The following CHL1 variants were observed in gnomAD, a reference collection of about 807,000 sequenced individuals.
The protein encoded by CHL1 is neural cell adhesion molecule L1-like protein.
CHL1 carries 96 observed loss-of-function variants against 141.9 expected under a neutral mutation model. That is an observed-to-expected ratio of 0.68 (90% CI 0.57 to 0.80). The LOEUF is 0.80. Ranked by LOEUF, CHL1 falls within the 30% of genes least tolerant of loss-of-function variation. CHL1 has a pLI of 0.00. For missense variants in CHL1, 1,820 were observed against 1,457.2 expected, an observed-to-expected ratio of 1.25 and a Z score of -4.05; for synonymous variants, 613 against 502.2, an observed-to-expected ratio of 1.22 and a Z score of -2.95.
At chr3:360,773 G>A (rs1195772530) in intron 12 of CHL1, among the ~76,000 whole-genome samples, 1 of 128,398 alleles carries the variant, frequency 7.8e-6, no homozygotes, top group African/African-American at 3.2e-5. Context: ...CCCAGAGTGT[G>A]ATGTTCCCCT....
rs184611656 is a variant in CHL1, at chr3:280,066, A to C, written c.-95+35374A>C. The stretch of plus-strand genomic sequence containing the variant: ...TCTATTATCTGAAAAGAAAATAAAA[A>C]GAAATAAATATAGGTGTGTAAAGAT... On this transcript the variant is annotated intron_variant, in intron 2 of 27. Coordinates refer to ENST00000256509, the MANE Select transcript of CHL1 (RefSeq NM_006614.4). Among the ~76,000 whole-genome samples, 438 of 152,360 alleles carry C rather than the reference A, an allele frequency of 2.9e-3. 1 individual carries two copies. Among genetic ancestry groups the C allele is most frequent in the Admixed American group, 5.2e-3 (79 of 15,308 alleles).
At chr3:241,580 TCTG>T (rs1692566179) in intron 1 of CHL1, among the ~76,000 whole-genome samples, 1 of 110,012 alleles carries the variant, frequency 9.1e-6, no homozygotes, top group East Asian at 2.6e-4. Context: ...TATACTTCTC[TCTG>T]GTTTTTTTTT....
intron 2 of CHL1, among the ~76,000 whole-genome samples, chr3:296,585 A>G (rs1017116309): frequency 1.3e-5 from 2 of 152,168 alleles, no homozygotes; most frequent in Non-Finnish European, 2.9e-5. Flanking sequence ...TCAAGGAATC[A>G]CTGTGACTAT....
Position 405,781 on chromosome 3 carries a change from A to G in CHL1, c.*70A>G. On this transcript the variant is annotated 3_prime_UTR_variant, in exon 28 of 28. Coordinates refer to ENST00000256509, the MANE Select transcript of CHL1 (RefSeq NM_006614.4). ...ATATTTATCTGTTCAAAGGAGCAAG[A>G]ACTTTCATATAGGAATAGAAACATG... is the stretch of plus-strand genomic sequence containing the variant. 8.9e-7 allele frequency: 1 copy of G among 1,119,798 alleles called. No individual in the cohort carries two copies. The allele number at this position is 1,119,798 out of a possible 1,614,324, so 69.4% of individuals were successfully genotyped here. A position where few individuals can be genotyped will look rare whatever the true frequency, so the allele number is the denominator to read the frequency against.
chr3:341,332 A>G (rs888965031), intron 6 of CHL1, among the ~76,000 whole-genome samples: 3 of 152,182 alleles, frequency 2.0e-5, no homozygotes, highest in Non-Finnish European at 4.4e-5. Flanking sequence ...TGATCTCTAC[A>G]TGTTTTCTCA....
At chr3:277,957 G>C (rs892799896) in intron 2 of CHL1, among the ~76,000 whole-genome samples, 1 of 152,182 alleles carries the variant, frequency 6.6e-6, no homozygotes, top group Non-Finnish European at 1.5e-5. Flanking sequence ...ATAAAATGTA[G>C]TTTGCATTTA....
chr3:332,338 T>C (rs147076825), intron 5 of CHL1, among the ~76,000 whole-genome samples: 1 of 152,284 alleles, frequency 6.6e-6, no homozygotes, highest in East Asian at 1.9e-4. Flanking sequence ...ATTGTTAAAT[T>C]ATAATGAAAA....
chr3:313,909 G>C (rs1000734157), intron 2 of CHL1, among the ~76,000 whole-genome samples: 7 of 152,040 alleles, frequency 4.6e-5, no homozygotes, highest in African/African-American at 7.2e-5. Context: ...CTTTAGGTGG[G>C]CTATAACTTT....
chr3:390,320 CT>C (rs1708118960), intron 20 of CHL1, among the ~76,000 whole-genome samples: 2 of 152,200 alleles, frequency 1.3e-5, no homozygotes, highest in African/African-American at 4.8e-5. Context: ...AGAACAGTGC[CT>C]GACACATAGC....
intron 12 of CHL1, among the ~76,000 whole-genome samples, chr3:360,900 G>A (rs1704182521): frequency 6.6e-6 from 1 of 150,856 alleles, no homozygotes; most frequent in Non-Finnish European, 1.5e-5. Flanking sequence ...TTTCATCCAT[G>A]TCCCTACAAA....
chr3:394,585 AT>A (rs1708512694), intron 23 of CHL1, 107 bp from the exon 24 acceptor site: 1 of 759,506 alleles, frequency 1.3e-6, no homozygotes, highest in Admixed American at 2.7e-5. Context: ...GTTATGAATC[AT>A]TAATGTATCT....
At chr3:219,758 G>A (rs1413278661) in intron 1 of CHL1, among the ~76,000 whole-genome samples, 1 of 152,190 alleles carries the variant, frequency 6.6e-6, no homozygotes, top group Non-Finnish European at 1.5e-5. Context: ...TAGGCTTAAT[G>A]AAATAGTCTG....
intron 2 of CHL1, among the ~76,000 whole-genome samples, chr3:273,242 G>A (rs996066097): frequency 1.3e-5 from 2 of 152,158 alleles, no homozygotes; most frequent in South Asian, 2.1e-4. Flanking sequence ...GCTAGAAACA[G>A]GTCAATAAAT....
intron 2 of CHL1, among the ~76,000 whole-genome samples, chr3:300,117 G>A (rs1290204086): frequency 2.0e-5 from 3 of 152,180 alleles, no homozygotes; most frequent in Non-Finnish European, 4.4e-5. Context: ...CAGAGATGAA[G>A]TAATAAGAAG....
chr3:250,962 C>T (rs1000328194), intron 2 of CHL1, among the ~76,000 whole-genome samples: 10 of 151,934 alleles, frequency 6.6e-5, no homozygotes, highest in African/African-American at 9.7e-5. Context: ...AAGATACAGT[C>T]GCAAAGAGAG....
chr3:256,719 T>G (rs574665565), intron 2 of CHL1, among the ~76,000 whole-genome samples: 1 of 152,192 alleles, frequency 6.6e-6, no homozygotes, highest in African/African-American at 2.4e-5. Context: ...AAAATTCCCA[T>G]GAAAATTTGG....
At chr3:390,271 C>T (rs1575268598) in intron 20 of CHL1, among the ~76,000 whole-genome samples, 1 of 152,344 alleles carries the variant, frequency 6.6e-6, no homozygotes, top group Non-Finnish European at 1.5e-5. Flanking sequence ...ATAATATCCT[C>T]TTCACAGGGT....
rs762580961 is a variant in CHL1, at chr3:394,695, A to T, written c.2917A>T (p.Asn973Tyr). The T allele has an allele frequency of 2.5e-5, 40 of 1,602,124 alleles. No homozygotes were observed. The highest frequency in any genetic ancestry group is 1.9e-4 in the Admixed American group (11 of 57,278). Residue 973 changes from asparagine (N) to tyrosine (Y), a missense_variant and splice_region_variant, in exon 24 of 28, where the codon AAT (asparagine) becomes TAT (tyrosine). Coordinates refer to ENST00000256509, the MANE Select transcript of CHL1 (RefSeq NM_006614.4). Reference sequence around the variant, plus strand: ...GTTGTTCATGTTTATTTTTTTAGTAAATGACACCTACGAGATTGGAGAATT... The same window carrying T: ...GTTGTTCATGTTTATTTTTTTAGTATATGACACCTACGAGATTGGAGAATT... ...TGYLLQYQII[N>Y]DTYEIGELND... is the part of the protein sequence containing the mutation.
chr3:266,126 A>G (rs1342174824), intron 2 of CHL1, among the ~76,000 whole-genome samples: 1 of 152,128 alleles, frequency 6.6e-6, no homozygotes, highest in East Asian at 1.9e-4. Flanking sequence ...ATACCAGGAG[A>G]AGGATCCATC....
Sources: gnomAD v4.1 joint callset for allele counts (sites outside exome capture counted in the v4.1 genomes callset) on GRCh38, gnomAD v4.1.1 for gene constraint, MANE v1.5 for transcripts, NCBI Gene and HGNC (gene_info 2026-07-23, HGNC 2026-07-21) for gene names.